Variants in TAFA1 observed in about 807,000 individuals in gnomAD.
TAFA1 encodes chemokine-like protein TAFA-1.
In TAFA1, 4 loss-of-function variants were observed where a neutral mutation model predicts 18.5. The observed-to-expected ratio is 0.22, with a 90% CI of 0.11 to 0.49. The LOEUF is 0.49. Among genes scored for constraint, TAFA1 ranks in the 20% least tolerant of loss-of-function variants. The pLI is 0.98. For synonymous variants in TAFA1, 56 were observed against 55.2 expected (o/e 1.01, Z -0.06); for missense variants, 147 against 169.0 (o/e 0.87, Z 0.72).
rs773990810 is a variant in TAFA1, at chr3:68,417,270, C to G, written c.119-10C>G. On this transcript the variant is annotated splice_polypyrimidine_tract_variant and intron_variant, in intron 2 of 4. Transcript: ENST00000478136. ...TCTAATCAGTGTCCCTGTTCTTTCT[C>G]TCTTGCCAGAAGGAGGGACGTGTGA... The G allele has an allele frequency of 8.1e-6, 13 of 1,612,088 alleles. No individual in the cohort carries two copies. In the African/African-American group the frequency reaches 1.2e-4, roughly 15 times the overall value.
chr3:68,482,521 T>G (rs1013175306), intron 3 of TAFA1, among the ~76,000 whole-genome samples: 14 of 152,298 alleles, frequency 9.2e-5, no homozygotes, highest in African/African-American at 3.4e-4. Context: ...CAGTGAAAAC[T>G]TGCAAAAGGG....
At chr3:68,353,900 T>C (rs983379796) in intron 2 of TAFA1, among the ~76,000 whole-genome samples, 2 of 152,056 alleles carry the variant, frequency 1.3e-5, no homozygotes, top group Non-Finnish European at 2.9e-5. Flanking sequence ...ATGGAGTTTT[T>C]AGACAAAATG....
Position 68,208,379 on chromosome 3 carries a change from G to C in TAFA1, c.118+201635G>C, listed in dbSNP as rs543010622. Among the ~76,000 whole-genome samples the C allele has an allele frequency of 4.6e-5, 7 of 152,056 alleles. No individual in the cohort carries two copies. In the East Asian group the frequency reaches 1.4e-3, roughly 30 times the overall value. ...ACTTCATGCGACAAGCCTGGACATA[G>C]CTTTTCCTTTTGGCCCCAAGAAACT... On this transcript the variant is annotated intron_variant, in intron 2 of 4. Coordinates refer to ENST00000478136, the MANE Select transcript of TAFA1 (RefSeq NM_213609.4).
chr3:68,295,168 G>A (rs2068185661), intron 2 of TAFA1, among the ~76,000 whole-genome samples: 1 of 152,132 alleles, frequency 6.6e-6, no homozygotes, highest in African/African-American at 2.4e-5. Context: ...AAAATGAAAT[G>A]TAAACATAAG....
intron 2 of TAFA1, among the ~76,000 whole-genome samples, chr3:68,201,338 A>C (rs1293730110): frequency 6.6e-6 from 1 of 151,730 alleles, no homozygotes; most frequent in Non-Finnish European, 1.5e-5. Context: ...GAGTTGGAGA[A>C]GAATGTGTGT....
intron 2 of TAFA1, among the ~76,000 whole-genome samples, chr3:68,201,572 C>T (rs1034406634): frequency 3.3e-5 from 5 of 151,736 alleles, no homozygotes; most frequent in African/African-American, 7.3e-5. Flanking sequence ...TTATTAGGCA[C>T]GTAGATAAAG....
chr3:68,086,717 T>C (rs1181581628), intron 2 of TAFA1, among the ~76,000 whole-genome samples: 3 of 152,184 alleles, frequency 2.0e-5, no homozygotes, highest in Admixed American at 2.0e-4. Flanking sequence ...TTGCCAATAA[T>C]AATGATTTTG....
At position 68,191,198 on chromosome 3, in the gene TAFA1, C is replaced by G. The variant is rs893144658; in HGVS notation, c.118+184454C>G. The stretch of plus-strand genomic sequence containing the variant: ...TTCCATTTTTAAATTCTGTGGTAAA[C>G]ACATTATAATATATATTTTTTCTTT... On this transcript the variant is annotated intron_variant, in intron 2 of 4. Transcript: ENST00000478136. Among the ~76,000 whole-genome samples, 9 of 151,864 alleles carry G rather than the reference C, an allele frequency of 5.9e-5. No individual in the cohort carries two copies. In the South Asian group the frequency reaches 1.2e-3, roughly 21 times the overall value.
chr3:68,383,126 T>G (rs1053371237), intron 2 of TAFA1, among the ~76,000 whole-genome samples: 5 of 152,158 alleles, frequency 3.3e-5, no homozygotes, highest in African/African-American at 1.2e-4. Flanking sequence ...GTTTTCTAGA[T>G]ATAGGATCAT....
intron 2 of TAFA1, among the ~76,000 whole-genome samples, chr3:68,382,749 C>T (rs1053426401): frequency 1.3e-5 from 2 of 152,054 alleles, no homozygotes; most frequent in African/African-American, 4.8e-5. Flanking sequence ...TGAAGAATGT[C>T]ATTGGTAGTT....
chr3:68,328,703 T>G (rs1460952682), intron 2 of TAFA1, among the ~76,000 whole-genome samples: 3 of 152,204 alleles, frequency 2.0e-5, no homozygotes, highest in African/African-American at 7.2e-5. Flanking sequence ...CAAGTGGCAC[T>G]TATTTCTGTA....
At chr3:68,282,334 G>A (rs76717098) in intron 2 of TAFA1, among the ~76,000 whole-genome samples, 2,653 of 152,158 alleles carry the variant, frequency 0.017, 86 homozygotes, top group East Asian at 0.13. Context: ...CACTTACGAC[G>A]GATCAGGCAC....
chr3:68,225,189 T>C (rs2066782618), intron 2 of TAFA1, among the ~76,000 whole-genome samples: 1 of 152,042 alleles, frequency 6.6e-6, no homozygotes, highest in African/African-American at 2.4e-5. Flanking sequence ...ATTACAGGCA[T>C]GAGCCACCAC....
chr3:68,066,207 C>T (rs990932957), intron 2 of TAFA1, among the ~76,000 whole-genome samples: 1 of 152,028 alleles, frequency 6.6e-6, no homozygotes, highest in African/African-American at 2.4e-5. Flanking sequence ...ATCAATAAAG[C>T]CGTATGTGTC....
intron 2 of TAFA1, among the ~76,000 whole-genome samples, chr3:68,046,523 A>T (rs1338755663): frequency 6.6e-6 from 1 of 152,226 alleles, no homozygotes; most frequent in African/African-American, 2.4e-5. Flanking sequence ...GAAATAAATC[A>T]GCAAAATTGT....
chr3:68,474,508 A>G (rs563146677), intron 3 of TAFA1, among the ~76,000 whole-genome samples: 52 of 152,362 alleles, frequency 3.4e-4, no homozygotes, highest in African/African-American at 1.3e-3. Flanking sequence ...GTTGTCTGGT[A>G]GAATCTAGCA....
At chr3:68,439,113 G>A (rs2071317784) in intron 3 of TAFA1, among the ~76,000 whole-genome samples, 1 of 152,024 alleles carries the variant, frequency 6.6e-6, no homozygotes, top group Non-Finnish European at 1.5e-5. Flanking sequence ...CAGTCACTGG[G>A]CTACACCATT....
intron 2 of TAFA1, among the ~76,000 whole-genome samples, chr3:68,147,051 A>ATG (rs1190829557): frequency 1.3e-5 from 2 of 150,872 alleles, no homozygotes; most frequent in African/African-American, 2.4e-5. Flanking sequence ...ATATATATAT[A>ATG]TATATATTCT....
intron 2 of TAFA1, among the ~76,000 whole-genome samples, chr3:68,164,853 C>T (rs192406369): frequency 2.0e-5 from 3 of 152,136 alleles, no homozygotes; most frequent in African/African-American, 7.2e-5. Flanking sequence ...TGTATAAACA[C>T]CTCTGCATAT....
Sources: allele counts gnomAD v4.1 joint callset (sites outside exome capture counted in the v4.1 genomes callset), GRCh38; gene constraint gnomAD v4.1.1; transcripts MANE v1.5; gene names NCBI Gene and HGNC (gene_info 2026-07-23, HGNC 2026-07-21).